The following C8orf88 variants were observed in gnomAD, a reference collection of about 807,000 sequenced individuals.
C8orf88 encodes the protein uncharacterized protein C8orf88.
Under a neutral mutation model 18.4 loss-of-function variants are expected in C8orf88, and 14 were observed. The observed-to-expected ratio is 0.76, with a 90% CI of 0.50 to 1.19. C8orf88 has a LOEUF of 1.19. C8orf88 is among the 50% of genes most tolerant of loss of function. C8orf88 has a pLI of 0.00. For missense variants in C8orf88, 116 were observed against 134.7 expected, an observed-to-expected ratio of 0.86 and a Z score of 0.69; for synonymous variants, 45 against 42.9, an observed-to-expected ratio of 1.05 and a Z score of -0.19.
At chr8:90,970,903 G>C (rs1811271705) in intron 4 of C8orf88, among the ~76,000 whole-genome samples, 163 bp downstream of exon 4, 1 of 151,970 alleles carries the variant, frequency 6.6e-6, no homozygotes, top group East Asian at 1.9e-4. Flanking sequence ...GTCTCTCCTT[G>C]AAAGCAGTCA....
intron 2 of C8orf88, among the ~76,000 whole-genome samples, chr8:90,979,449 G>C (rs2130324186): frequency 1.3e-5 from 2 of 152,296 alleles, no homozygotes; most frequent in Middle Eastern, 6.8e-3. Flanking sequence ...TATGGTCCCA[G>C]AAGATCCATT....
upstream of C8orf88, chr8:90,985,326 G>C (rs1234377827): frequency 6.6e-6 from 1 of 151,138 alleles, no homozygotes; most frequent in Non-Finnish European, 1.5e-5. Flanking sequence ...GGCCCAGGGC[G>C]GGCGCGGGGC....
At chr8:90,959,064 T>C (rs1811085079) in intron 5 of C8orf88, 34 bp from the exon 6 acceptor site, 1 of 1,034,548 alleles carries the variant, frequency 9.7e-7, no homozygotes, top group South Asian at 1.5e-5. Context: ...ATTTATCAAT[T>C]GATTGAATAC....
At chr8:90,976,432 A>G (rs1811351744) in intron 3 of C8orf88, among the ~76,000 whole-genome samples, 1 of 152,140 alleles carries the variant, frequency 6.6e-6, no homozygotes, top group Non-Finnish European at 1.5e-5. Flanking sequence ...TGCAATGTTA[A>G]CATATTAATT....
chr8:90,960,783 GT>G lies in C8orf88; in HGVS notation c.288del (p.Lys96AsnfsTer41). 1.3e-6 allele frequency: 2 copies of G among 1,531,210 alleles called. No individual in the cohort carries two copies. Among genetic ancestry groups the G allele is most frequent in the African/African-American group, 1.4e-5 (1 of 72,830 alleles). The allele number at this position is 1,531,210 out of a possible 1,614,324, so 94.9% of individuals were successfully genotyped here. ...ATGGGATGATCAGGCAGAAAGTCTG[GT>G]TTTTTTCTGCAGATGGAAACACTTG... is the stretch of plus-strand genomic sequence containing the variant. Reference protein sequence around the residue: ...KLSSVSICRKKPDFLPDHPIV... With the variant: ...KLSSVSICRKXPDFLPDHPIV... On this transcript the variant is annotated frameshift_variant, in exon 5 of 6. Coordinates refer to ENST00000517562, the MANE Select transcript of C8orf88 (RefSeq NM_001190972.2). LOFTEE classifies it high-confidence loss of function.
rs186427710 is a variant in C8orf88, at chr8:90,960,890, G to A, written c.224-42C>T. On this transcript the variant is annotated intron_variant, in intron 4 of 5. Coordinates refer to ENST00000517562, the MANE Select transcript of C8orf88 (RefSeq NM_001190972.2). Reference sequence around the variant, plus strand: ...TCAAATATAATGTTAGGAAATGTAGGGCTGTCTAGATCACTTTTTGGTTCA... The same window carrying A: ...TCAAATATAATGTTAGGAAATGTAGAGCTGTCTAGATCACTTTTTGGTTCA... 3.8e-4 allele frequency: 444 copies of A among 1,174,760 alleles called. 1 individual carries two copies. In the African/African-American group the frequency reaches 6.3e-3, roughly 17 times the overall value. The allele number at this position is 1,174,760 out of a possible 1,614,324, so 72.8% of individuals were successfully genotyped here.
chr8:90,960,669 G>C, intron 5 of C8orf88, 73 bp downstream of exon 5: 2 of 778,256 alleles, frequency 2.6e-6, no homozygotes, highest in Non-Finnish European at 4.0e-6. Flanking sequence ...TCTAGAGGTA[G>C]AGTCTGATGA....
At chr8:90,979,963 T>C (rs1343409926) in intron 2 of C8orf88, among the ~76,000 whole-genome samples, 1 of 148,652 alleles carries the variant, frequency 6.7e-6, no homozygotes, top group Non-Finnish European at 1.5e-5. Flanking sequence ...TGTGCTAATA[T>C]TTTTTTTTTG....
intron 3 of C8orf88, among the ~76,000 whole-genome samples, chr8:90,972,075 T>C (rs1811291448): frequency 6.6e-6 from 1 of 152,086 alleles, no homozygotes; most frequent in African/African-American, 2.4e-5. Flanking sequence ...GTAGGTTTCT[T>C]TGGAGACATC....
At chr8:90,973,460 T>C (rs1244080898) in intron 3 of C8orf88, among the ~76,000 whole-genome samples, 1 of 152,056 alleles carries the variant, frequency 6.6e-6, no homozygotes, top group African/African-American at 2.4e-5. Context: ...TTCCCCAATA[T>C]GCATGCCCAG....
At chr8:90,977,763 G>C (rs1326804801) in intron 3 of C8orf88, among the ~76,000 whole-genome samples, 1 of 152,058 alleles carries the variant, frequency 6.6e-6, no homozygotes, top group East Asian at 1.9e-4. Context: ...CCAATATGGT[G>C]AAACCCCATC....
chr8:90,966,915 T>C (rs57537623), intron 4 of C8orf88, among the ~76,000 whole-genome samples: 95 of 152,052 alleles, frequency 6.2e-4, no homozygotes, highest in African/African-American at 2.0e-3. Context: ...GATATTGTTT[T>C]TGAACTATCG....
Position 90,958,748 on chromosome 8 carries a change from T to C in C8orf88, c.*259A>G, listed in dbSNP as rs1479677479. ...GCAAGTAGTATGCAAATTATAAATATACAGTCTTCCCACTTCACTAACCAA... is the reference window on the plus strand; with the variant it reads ...GCAAGTAGTATGCAAATTATAAATACACAGTCTTCCCACTTCACTAACCAA... On this transcript the variant is annotated 3_prime_UTR_variant, in exon 6 of 6. Coordinates refer to ENST00000517562, the MANE Select transcript of C8orf88 (RefSeq NM_001190972.2). 5.4e-6 allele frequency: 2 copies of C among 368,004 alleles called. No individual in the cohort carries two copies. The highest frequency in any genetic ancestry group is 2.2e-5 in the African/African-American group (1 of 46,374). 22.8% of individuals were successfully genotyped at this position (368,004 alleles called of 1,614,324 possible). A position where few individuals can be genotyped will look rare whatever the true frequency, so the allele number is the denominator to read the frequency against.
intron 3 of C8orf88, among the ~76,000 whole-genome samples, chr8:90,975,912 G>T (rs1811341602): frequency 1.4e-5 from 2 of 143,558 alleles, no homozygotes; most frequent in South Asian, 4.3e-4. Flanking sequence ...TATATTTAAA[G>T]TAGGACACTA....
chr8:90,979,006 A>C (rs1811393168), intron 2 of C8orf88, among the ~76,000 whole-genome samples: 1 of 152,246 alleles, frequency 6.6e-6, no homozygotes, highest in East Asian at 1.9e-4. Flanking sequence ...TCACAACATG[A>C]AGTAATTAAA....
intron 4 of C8orf88, 62 bp from the exon 5 acceptor site, chr8:90,960,910 G>C: frequency 1.1e-6 from 1 of 919,822 alleles, no homozygotes; most frequent in East Asian, 2.7e-5. Flanking sequence ...ATCACTTTTT[G>C]GTTCATTTCT....
intron 3 of C8orf88, among the ~76,000 whole-genome samples, chr8:90,978,129 A>C (rs1402128496): frequency 2.0e-5 from 3 of 152,232 alleles, no homozygotes; most frequent in Non-Finnish European, 4.4e-5. Context: ...TATATTTTGA[A>C]TTTTAAACTT....
chr8:90,972,735 G>A (rs1242317004), intron 3 of C8orf88, among the ~76,000 whole-genome samples: 1 of 152,056 alleles, frequency 6.6e-6, no homozygotes, highest in Non-Finnish European at 1.5e-5. Context: ...TGGTGACCAA[G>A]CCAAAAGTAC....
intron 5 of C8orf88, among the ~76,000 whole-genome samples, chr8:90,960,297 A>T (rs1327154989): frequency 1.3e-5 from 2 of 151,528 alleles, no homozygotes; most frequent in Non-Finnish European, 3.0e-5. Context: ...CTAATTGAAC[A>T]GAATGGATAG....
Sources: gnomAD v4.1 joint callset for allele counts (sites outside exome capture counted in the v4.1 genomes callset) on GRCh38, gnomAD v4.1.1 for gene constraint, MANE v1.5 for transcripts, NCBI Gene and HGNC (gene_info 2026-07-23, HGNC 2026-07-21) for gene names.